The following DPF3 variants were observed in gnomAD, a reference collection of about 807,000 sequenced individuals.
DPF3 encodes zinc finger protein DPF3.
In DPF3, 18 loss-of-function variants were observed where a neutral mutation model predicts 56.8. The ratio of observed to expected loss-of-function variants is 0.32; its 90% CI spans 0.22 to 0.47. DPF3 has a LOEUF of 0.47. Among genes scored for constraint, DPF3 ranks in the 20% least tolerant of loss-of-function variants. The probability of loss-of-function intolerance (pLI) is 1.00; values close to 1 mark genes in which losing one functional copy is unlikely to be tolerated. For synonymous variants in DPF3, 188 were observed against 180.2 expected (o/e 1.04, Z -0.35); for missense variants, 403 against 488.8 (o/e 0.82, Z 1.65).
intron 6 of DPF3, among the ~76,000 whole-genome samples, chr14:72,701,073 G>A (rs1259770619): frequency 6.6e-6 from 1 of 152,228 alleles, no homozygotes; most frequent in Non-Finnish European, 1.5e-5. Context: ...TTCTCACTCT[G>A]GAAATATCTG....
chr14:72,629,254 G>A (rs1229463954), intron 9 of DPF3, among the ~76,000 whole-genome samples: 1 of 152,190 alleles, frequency 6.6e-6, no homozygotes, highest in Non-Finnish European at 1.5e-5. Flanking sequence ...GATTGGACGT[G>A]TACTGATCTT....
In DPF3 at chr14:72,827,641, T is replaced by C. The variant is rs372891981; in HGVS notation, c.33-55748A>G. On this transcript the variant is annotated intron_variant, in intron 1 of 10. Coordinates refer to ENST00000556509, the MANE Select transcript of DPF3 (RefSeq NM_001280542.3). ...ACAGGTGCCCACCGCCATGCCCAGC[T>C]AATTTCTTTTTTACTTTTAGTAGAG... is the stretch of plus-strand genomic sequence containing the variant. Among the ~76,000 whole-genome samples the C allele has an allele frequency of 1.4e-4, 21 of 152,036 alleles. No individual in the cohort carries two copies. The East Asian group carries it at 1.7e-3, about 13-fold the overall frequency.
At chr14:72,643,939 A>G (rs1460656351) in intron 8 of DPF3, among the ~76,000 whole-genome samples, 2 of 152,112 alleles carry the variant, frequency 1.3e-5, no homozygotes, top group East Asian at 1.9e-4. Context: ...GGAGACCCCA[A>G]CGAAGCCTCA....
intron 6 of DPF3, among the ~76,000 whole-genome samples, chr14:72,707,811 A>T (rs1599373614): frequency 2.7e-5 from 4 of 146,622 alleles, no homozygotes; most frequent in Admixed American, 6.8e-5. Flanking sequence ...TTTTTCCTCT[A>T]TTTTTTTTTT....
At chr14:72,700,593 A>G (rs536516127) in intron 6 of DPF3, among the ~76,000 whole-genome samples, 2 of 152,322 alleles carry the variant, frequency 1.3e-5, no homozygotes, top group Admixed American at 1.3e-4. Context: ...CTCAGTAGTC[A>G]TCATCTCAGT....
At chr14:72,711,840 A>C (rs1185939859) in intron 6 of DPF3, among the ~76,000 whole-genome samples, 2 of 151,960 alleles carry the variant, frequency 1.3e-5, no homozygotes, top group African/African-American at 4.8e-5. Flanking sequence ...CACCATCCCT[A>C]GGGACGCTCG....
In DPF3 at chr14:72,617,285, C is replaced by A. The variant is rs1375320315; in HGVS notation, c.*2012G>T. ...GTGGCACTTGGGAACATTTGGGGAA[C>A]TTTTTTTTCTAAATTTAAATTAAAA... On this transcript the variant is annotated 3_prime_UTR_variant, in exon 11 of 11. Coordinates refer to ENST00000556509, the MANE Select transcript of DPF3 (RefSeq NM_001280542.3). Among the ~76,000 whole-genome samples, 1 of 152,084 alleles carries A rather than the reference C, an allele frequency of 6.6e-6. No individual in the cohort carries two copies. The highest frequency in any genetic ancestry group is 2.4e-5 in the African/African-American group (1 of 41,378).
chr14:72,766,486 C>T (rs777847118), intron 2 of DPF3, among the ~76,000 whole-genome samples: 22 of 152,208 alleles, frequency 1.4e-4, no homozygotes, highest in Non-Finnish European at 2.6e-4. Flanking sequence ...AAGTATCACT[C>T]TGTAGCCTGG....
At chr14:72,685,333 C>T (rs1006162702) in intron 7 of DPF3, among the ~76,000 whole-genome samples, 1 of 152,190 alleles carries the variant, frequency 6.6e-6, no homozygotes, top group Admixed American at 6.5e-5. Flanking sequence ...AGCTTCCCAC[C>T]TTGCTGTCTG....
intron 8 of DPF3, among the ~76,000 whole-genome samples, chr14:72,665,297 C>T (rs771830072): frequency 2.6e-5 from 4 of 152,182 alleles, no homozygotes; most frequent in South Asian, 2.1e-4. Context: ...TTTATCCTAT[C>T]CTTGACAGTG....
intron 7 of DPF3, among the ~76,000 whole-genome samples, chr14:72,690,279 G>A (rs990316675): frequency 2.0e-5 from 3 of 151,880 alleles, no homozygotes; most frequent in African/African-American, 7.3e-5. Context: ...ACCCGCCCAC[G>A]AGGGCTCGTG....
chr14:72,731,790 A>G lies in DPF3; in HGVS notation c.429+17T>C. 6.2e-7 allele frequency: 1 copy of G among 1,613,130 alleles called. No homozygotes were observed. Among genetic ancestry groups the G allele is most frequent in the South Asian group, 1.1e-5 (1 of 90,750 alleles). The stretch of plus-strand genomic sequence containing the variant: ...GACAGGAACACTCTGTGGGGTCCCC[A>G]GCAGGTGTGGGAATACCTGTATTTC... On this transcript the variant is annotated intron_variant, in intron 4 of 10. Coordinates refer to ENST00000556509, the MANE Select transcript of DPF3 (RefSeq NM_001280542.3).
chr14:72,684,385 G>T (rs577457301), intron 7 of DPF3, among the ~76,000 whole-genome samples: 2 of 152,250 alleles, frequency 1.3e-5, no homozygotes, highest in South Asian at 4.2e-4. Flanking sequence ...TAACAACCCA[G>T]GCAGAAGCCA....
chr14:72,882,037 G>C (rs959632782), intron 1 of DPF3, among the ~76,000 whole-genome samples: 1 of 152,122 alleles, frequency 6.6e-6, no homozygotes, highest in Non-Finnish European at 1.5e-5. Context: ...GCCCCCAAAG[G>C]CCGAAGCTTT....
chr14:72,744,632 C>T (rs117232842), intron 3 of DPF3, among the ~76,000 whole-genome samples: 2 of 152,070 alleles, frequency 1.3e-5, no homozygotes, highest in South Asian at 2.1e-4. Context: ...GTGCACCCCC[C>T]ACTCTTTGCC....
intron 4 of DPF3, among the ~76,000 whole-genome samples, chr14:72,725,114 T>C (rs887451495): frequency 6.6e-6 from 1 of 152,146 alleles, no homozygotes; most frequent in Non-Finnish European, 1.5e-5. Context: ...AATTCATTCA[T>C]TCCATCTACA....
At chr14:72,701,169 G>T (rs1295619795) in intron 6 of DPF3, among the ~76,000 whole-genome samples, 1 of 152,134 alleles carries the variant, frequency 6.6e-6, no homozygotes, top group Non-Finnish European at 1.5e-5. Flanking sequence ...TCCTTCCCCG[G>T]GGGCAAGCGC....
At chr14:72,812,623 C>A (rs984016200) in intron 1 of DPF3, among the ~76,000 whole-genome samples, 12 of 152,160 alleles carry the variant, frequency 7.9e-5, no homozygotes, top group Non-Finnish European at 1.5e-4. Flanking sequence ...ACGGAGAGTA[C>A]GCTGGGCCCG....
chr14:72,845,374 A>C (rs1251420685), intron 1 of DPF3, among the ~76,000 whole-genome samples: 2 of 152,188 alleles, frequency 1.3e-5, no homozygotes, highest in African/African-American at 4.8e-5. Flanking sequence ...GTCAAGTCCA[A>C]GAGGTCAGCT....
Sources: allele counts gnomAD v4.1 joint callset (sites outside exome capture counted in the v4.1 genomes callset), GRCh38; gene constraint gnomAD v4.1.1; transcripts MANE v1.5; gene names NCBI Gene and HGNC (gene_info 2026-07-23, HGNC 2026-07-21).